Variants in TTN observed in about 807,000 individuals in gnomAD.
TTN encodes connectin.
A neutral mutation model predicts 3,223.0 loss-of-function variants in TTN; 1,525 were observed. The observed-to-expected ratio is 0.47, with a 90% CI of 0.45 to 0.49. The LOEUF (loss-of-function observed/expected upper bound fraction) is 0.49, where lower values mean the gene tolerates loss of function less well. TTN is among the 20% of genes least tolerant of loss of function. The pLI, the probability that TTN is intolerant of heterozygous loss-of-function variation, is 0.00. For synonymous variants in TTN, 14,094 were observed against 15,161.0 expected (o/e 0.93, Z 5.17); for missense variants, 40,786 against 43,424.0 (o/e 0.94, Z 5.40).
intron 213 of TTN, 60 bp downstream of exon 213, chr2:178,649,188 C>G (rs1217316838): frequency 3.2e-6 from 4 of 1,241,208 alleles, no homozygotes; most frequent in East Asian, 2.8e-5. Flanking sequence ...TCTCTAAGAC[C>G]TATTATTAAC....
chr2:178,605,958 TTTTTAA>T (rs1232880281), intron 278 of TTN, among the ~76,000 whole-genome samples: 2 of 152,004 alleles, frequency 1.3e-5, no homozygotes, highest in South Asian at 4.1e-4. Flanking sequence ...CACGTATGCT[TTTTTAA>T]TTTAACATTT....
At position 178,712,077 on chromosome 2, in the gene TTN, G is replaced by T; in HGVS notation, c.27753C>A (p.Tyr9251Ter). Residue 9251 changes from tyrosine (Y) to a stop codon, truncating the protein, a stop_gained, in exon 96 of 363, where the codon TAC becomes TAA. Transcript: ENST00000589042. LOFTEE classifies it high-confidence loss of function. ...GDTKLRPTTT[Y>*]KMHFRNNVAT... is the part of the protein sequence containing the mutation. ...CAACATTATTCCTAAAATGCATTTT[G>T]TAAGTCGTAGTGGGTCTCAATTTTG... 1 of 1,613,824 alleles carries T rather than the reference G, an allele frequency of 6.2e-7. No individual in the cohort carries two copies. The highest frequency in any genetic ancestry group is 1.1e-5 in the South Asian group (1 of 91,078).
chr2:178,597,740 G>T lies in TTN; in HGVS notation c.57342C>A (p.Ala19114=). The change falls in exon 294 of 363, where the codon GCC becomes GCA. Residue 19114 remains alanine, a synonymous_variant. Coordinates refer to ENST00000589042, the MANE Select transcript of TTN (RefSeq NM_001267550.2). The stretch of plus-strand genomic sequence containing the variant: ...TTGGAGGAGGCTTTCCAGACACATA[G>T]GCAATGATTCGGATCACCCCTCCAG... ...VHAGGVIRII[A]YVSGKPPPTV... is the part of the protein sequence containing the mutation. 6.2e-7 allele frequency: 1 copy of T among 1,613,228 alleles called. No individual in the cohort carries two copies. The highest frequency in any genetic ancestry group is 8.5e-7 in the Non-Finnish European group (1 of 1,179,550).
chr2:178,732,622 G>C lies in TTN; in HGVS notation c.16439C>G (p.Thr5480Arg). Reference protein sequence around the residue: ...KSTFQGSTPLTIRWFKGNKEL... With the variant: ...KSTFQGSTPLRIRWFKGNKEL... Reference sequence around the variant, plus strand: ...TTTGTTGCCCTTAAACCATCTGATTGTGAGAGGAGTAGATCCTTGGAAAGT... The same window carrying C: ...TTTGTTGCCCTTAAACCATCTGATTCTGAGAGGAGTAGATCCTTGGAAAGT... Residue 5480 changes from threonine to arginine, a missense_variant, in exon 56 of 363, where the codon ACA becomes AGA. Thr to Arg is a moderately conservative substitution (Grantham distance 71). Transcript: ENST00000589042. 1 of 1,613,548 alleles carries C rather than the reference G, an allele frequency of 6.2e-7. No homozygotes were observed. Among genetic ancestry groups the C allele is most frequent in the Non-Finnish European group, 8.5e-7 (1 of 1,179,716 alleles).
Position 178,573,598 on chromosome 2 carries a change from T to G in TTN, c.72534A>C (p.Gln24178His). ...LAWTNVASEV[Q>H]VTKLKVTKLL... ...GTTTAGTGACCTTTAGCTTTGTTAC[T>G]TGGACTTCTGAGGCTACATTTGTCC... The change falls in exon 326 of 363, where the codon CAA (glutamine) becomes CAC (histidine). Residue 24178 changes from glutamine (Q) to histidine (H), a missense_variant. By Grantham distance (24) the Gln-to-His change is conservative. Coordinates refer to ENST00000589042, the MANE Select transcript of TTN (RefSeq NM_001267550.2). 1 of 1,498,542 alleles carries G rather than the reference T, an allele frequency of 6.7e-7. No individual in the cohort carries two copies. The allele number at this position is 1,498,542 out of a possible 1,614,324, so 92.8% of individuals were successfully genotyped here. A position where few individuals can be genotyped will look rare whatever the true frequency, so the allele number is the denominator to read the frequency against.
chr2:178,677,771 C>T lies in TTN; in HGVS notation c.34141G>A (p.Glu11381Lys). 6.2e-7 allele frequency: 1 copy of T among 1,612,990 alleles called. No homozygotes were observed. Among genetic ancestry groups the T allele is most frequent in the Non-Finnish European group, 8.5e-7 (1 of 1,179,270 alleles). The change falls in exon 146 of 363, where the codon GAA becomes AAA. Residue 11381 changes from glutamate (E) to lysine (K), a missense_variant. Transcript: ENST00000589042. Reference sequence around the variant, plus strand: ...TCTTCTTCAGGTAGAACTTCCTCTTCTTCAGGTAGAACTTCCTCTTCCTCA... The same window carrying T: ...TCTTCTTCAGGTAGAACTTCCTCTTTTTCAGGTAGAACTTCCTCTTCCTCA... ...LPEEEEVLPE[E>K]EEVLPEEEEI... is the part of the protein sequence containing the mutation.
rs72648905 is a variant in TTN, at chr2:178,748,792, G to A, written c.11311+4332C>T. The stretch of plus-strand genomic sequence containing the variant: ...CGTCAAATTCTTTATGAGTTTGAGA[G>A]GAAAGCAGCTTTAAATTTATTGCAA... On this transcript the variant is annotated intron_variant, in intron 47 of 362. Transcript: ENST00000589042. The A allele has an allele frequency of 2.2e-3, 3,587 of 1,612,066 alleles. 77 individuals are homozygous for A. The African/African-American group carries it at 0.042, about 19-fold the overall frequency.
In TTN at chr2:178,575,012, G is replaced by A; in HGVS notation, c.71120C>T (p.Thr23707Ile). ...VRSDSGPYPL[T>I]ARNIVGEVGD... Reference sequence around the variant, plus strand: ...AACCTCTCCTACAATGTTCCTTGCTGTTAATGGATAGGGCCCACTATCACT... The same window carrying A: ...AACCTCTCCTACAATGTTCCTTGCTATTAATGGATAGGGCCCACTATCACT... Residue 23707 changes from threonine (T) to isoleucine (I), a missense_variant, in exon 326 of 363, where the codon ACA becomes ATA. Physicochemically the swap from Thr to Ile is moderately conservative, Grantham distance 89 (BLOSUM62 -1). Coordinates refer to ENST00000589042, the MANE Select transcript of TTN (RefSeq NM_001267550.2). The surrounding 1 kb of genome is among the most constrained non-coding windows in gnomAD (Gnocchi z 4.0). The A allele has an allele frequency of 6.2e-7, 1 of 1,613,404 alleles. No homozygotes were observed. The highest frequency in any genetic ancestry group is 1.3e-5 in the African/African-American group (1 of 75,020).
chr2:178,779,382 A>G lies in TTN; in HGVS notation c.3810T>C (p.Leu1270=), dbSNP rs878883624. 7 of 1,603,522 alleles carry G rather than the reference A, an allele frequency of 4.4e-6. No individual in the cohort carries two copies. Among genetic ancestry groups the G allele is most frequent in the Non-Finnish European group, 6.0e-6 (7 of 1,170,896 alleles). ...TCTTTTCTTCTCCATCTTCTTCAAG[A>G]AGTTCTTCTAATGTAGTCTTTATTA... ...YRIIKTTLEE[L]LEEDGEEKMA... The change falls in exon 23 of 363, where the codon CTT becomes CTC. Residue 1270 remains leucine (L), a synonymous_variant. Transcript: ENST00000589042.
At chr2:178,749,478 A>T in intron 47 of TTN, 2 of 1,612,964 alleles carry the variant, frequency 1.2e-6, no homozygotes, top group Middle Eastern at 3.3e-4. Context: ...CTTTGAAAAT[A>T]GTCCCTTACT....
At position 178,746,302 on chromosome 2, in the gene TTN, G is replaced by C. The variant is rs764383815; in HGVS notation, c.11312-4381C>G. 3 of 1,612,232 alleles carry C rather than the reference G, an allele frequency of 1.9e-6. No homozygotes were observed. The African/African-American group carries it at 4.0e-5, about 22-fold the overall frequency. On this transcript the variant is annotated intron_variant, in intron 47 of 362. Coordinates refer to ENST00000589042, the MANE Select transcript of TTN (RefSeq NM_001267550.2). ...CTTCTAAATCAATTTTTAGTTCTTTGTCTTCTCCCTCCCTTGAATCCATAT... is the reference window on the plus strand; with the variant it reads ...CTTCTAAATCAATTTTTAGTTCTTTCTCTTCTCCCTCCCTTGAATCCATAT...
chr2:178,624,759 G>A, intron 241 of TTN, 28 bp from the exon 242 acceptor site: 1 of 1,606,206 alleles, frequency 6.2e-7, no homozygotes, highest in Non-Finnish European at 8.5e-7. Context: ...ATTAGCCAAG[G>A]TACTCCTTTC....
At position 178,566,646 on chromosome 2, in the gene TTN, T is replaced by G; in HGVS notation, c.79486A>C (p.Ile26496Leu). Residue 26496 changes from isoleucine to leucine, a missense_variant, in exon 326 of 363, where the codon ATT becomes CTT. Transcript: ENST00000589042. ...ATTGAATTTTTAGTGGTGTCTACAA[T>G]GTGTGCATTGGTAGGTGGGCCAGGT... ...FKPGPPTNAHIVDTTKNSITL... is the reference protein window; with the variant it reads ...FKPGPPTNAHLVDTTKNSITL... 1 of 1,612,948 alleles carries G rather than the reference T, an allele frequency of 6.2e-7. No homozygotes were observed. The highest frequency in any genetic ancestry group is 8.5e-7 in the Non-Finnish European group (1 of 1,179,668).
At chr2:178,710,609 T>C in intron 98 of TTN, 26 bp downstream of exon 98, 1 of 1,586,298 alleles carries the variant, frequency 6.3e-7, no homozygotes, top group Non-Finnish European at 8.6e-7. Flanking sequence ...ACACTTTTGT[T>C]GGACCACTTG....
chr2:178,706,418 G>T (rs763629090), intron 102 of TTN, 36 bp downstream of exon 102: 16 of 1,561,894 alleles, frequency 1.0e-5, no homozygotes, highest in Non-Finnish European at 1.4e-5. Flanking sequence ...TATATGGAGG[G>T]CTGATTGTAC....
rs1422715847 is a variant in TTN at position 178,565,509 on chromosome 2, C to A, written c.80623G>T (p.Asp26875Tyr). Reference protein sequence around the residue: ...RVLGVPVIAKDLTIQPSLKLP... With the variant: ...RVLGVPVIAKYLTIQPSLKLP... Reference sequence around the variant, plus strand: ...TTTAAACTAGGCTGTATAGTCAAGTCCTTGGCTATGACAGGAACACCCAAC... The same window carrying A: ...TTTAAACTAGGCTGTATAGTCAAGTACTTGGCTATGACAGGAACACCCAAC... The change falls in exon 326 of 363, where the codon GAC becomes TAC. Residue 26875 changes from aspartate to tyrosine, a missense_variant. Asp to Tyr is a radical substitution (Grantham distance 160). Coordinates refer to ENST00000589042, the MANE Select transcript of TTN (RefSeq NM_001267550.2). The A allele has an allele frequency of 1.2e-6, 2 of 1,613,272 alleles. No homozygotes were observed. The highest frequency in any genetic ancestry group is 1.7e-6 in the Non-Finnish European group (2 of 1,179,564).
chr2:178,805,492 C>G (rs755761250), intron 1 of TTN, among the ~76,000 whole-genome samples: 43 of 152,172 alleles, frequency 2.8e-4, no homozygotes, highest in South Asian at 8.3e-4. Flanking sequence ...TATCTGATTA[C>G]TTAAAATAGT....
rs749497096 is a variant in TTN, at chr2:178,728,654, T to G, written c.19272A>C (p.Gln6424His). ...TTGAAAAGTATCTACTGGGAACTAT[T>G]TGTTTCCCGTCTTTAAGCCATTTCA... The part of the protein sequence containing the change: ...LKVKWLKDGK[Q>H]IVPSRYFSMS... The change falls in exon 66 of 363, where the codon CAA (glutamine) becomes CAC (histidine). Residue 6424 changes from glutamine (Q) to histidine (H), a missense_variant. Transcript: ENST00000589042. The G allele has an allele frequency of 6.2e-7, 1 of 1,613,386 alleles. No individual in the cohort carries two copies. Among genetic ancestry groups the G allele is most frequent in the South Asian group, 1.1e-5 (1 of 91,068 alleles).
At chr2:178,649,763 G>A in intron 211 of TTN, 54 bp downstream of exon 211, 2 of 1,571,296 alleles carry the variant, frequency 1.3e-6, no homozygotes, top group South Asian at 2.3e-5. Flanking sequence ...ACAATAAGAA[G>A]AGTGTAAAAT....
Sources: gnomAD v4.1 joint callset for allele counts (sites outside exome capture counted in the v4.1 genomes callset) on GRCh38, gnomAD v4.1.1 for gene constraint, Gnocchi (gnomAD v3.1) non-coding constraint, MANE v1.5 for transcripts, NCBI Gene and HGNC (gene_info 2026-07-23, HGNC 2026-07-21) for gene names.